Variants in PNPLA6 observed in about 807,000 individuals in gnomAD.
PNPLA6 encodes patatin-like phospholipase domain-containing protein 6.
A neutral mutation model predicts 153.7 loss-of-function variants in PNPLA6; 105 were observed. The ratio of observed to expected loss-of-function variants is 0.68; its 90% CI spans 0.58 to 0.80. The LOEUF (loss-of-function observed/expected upper bound fraction) is 0.80, where lower values mean the gene tolerates loss of function less well. PNPLA6 is among the 30% of genes least tolerant of loss of function. The probability of loss-of-function intolerance (pLI) is 0.00; values close to 1 mark genes in which losing one functional copy is unlikely to be tolerated. For synonymous variants in PNPLA6, 825 were observed against 822.2 expected (o/e 1.00, Z -0.06); for missense variants, 1,423 against 1,919.3 (o/e 0.74, Z 4.83).
At chr19:7,556,175 G>A (rs570639881) in intron 24 of PNPLA6, among the ~76,000 whole-genome samples, 4 of 142,910 alleles carry the variant, frequency 2.8e-5, no homozygotes, top group South Asian at 4.7e-4. Context: ...TGATTTATCC[G>A]CCTCAGCCTC....
intron 3 of PNPLA6, among the ~76,000 whole-genome samples, chr19:7,538,709 G>A (rs947615993): frequency 2.0e-5 from 3 of 152,196 alleles, no homozygotes; most frequent in African/African-American, 7.2e-5. Flanking sequence ...CAGAGGGGCT[G>A]TCTCAAGGTT....
chr19:7,541,305 T>C lies in PNPLA6; in HGVS notation c.925-49T>C, dbSNP rs769488817. ...ACTAGCCCGGCCCACCATCTGGCCC[T>C]GCCCCTTACCCCGCCCCATCTTATG... On this transcript the variant is annotated intron_variant, in intron 7 of 31. Transcript: ENST00000600737. This position sits in a 1 kb window ranked among gnomAD's most constrained non-coding sequence, Gnocchi z 5.2. 1 of 1,520,504 alleles carries C rather than the reference T, an allele frequency of 6.6e-7. No homozygotes were observed. The highest frequency in any genetic ancestry group is 9.1e-7 in the Non-Finnish European group (1 of 1,099,604). The allele number at this position is 1,520,504 out of a possible 1,614,324, so 94.2% of individuals were successfully genotyped here. A position where few individuals can be genotyped will look rare whatever the true frequency, so the allele number is the denominator to read the frequency against.
rs373118087 is a variant in PNPLA6, at chr19:7,555,021, C to A, written c.2763C>A (p.His921Gln). The change falls in exon 22 of 32, where the codon CAC (histidine) becomes CAA (glutamine). Residue 921 changes from histidine (H) to glutamine (Q), a missense_variant. Physicochemically the swap from His to Gln is conservative, Grantham distance 24 (BLOSUM62 0). Transcript: ENST00000600737. This position sits in a 1 kb window ranked among gnomAD's most constrained non-coding sequence, Gnocchi z 6.3. ...WLNMRSWCSG[H>Q]LHLRCPRRLF... Reference sequence around the variant, plus strand: ...ATATGCGCAGCTGGTGCTCGGGGCACCTGCACCTGCGCTGTCCGCGCCGCC... The same window carrying A: ...ATATGCGCAGCTGGTGCTCGGGGCAACTGCACCTGCGCTGTCCGCGCCGCC... 8 of 1,593,618 alleles carry A rather than the reference C, an allele frequency of 5.0e-6. No homozygotes were observed. Among genetic ancestry groups the A allele is most frequent in the Non-Finnish European group, 6.8e-6 (8 of 1,178,276 alleles).
At chr19:7,553,315 G>A (rs1024149208) in intron 18 of PNPLA6, among the ~76,000 whole-genome samples, 3 of 152,140 alleles carry the variant, frequency 2.0e-5, no homozygotes, top group Non-Finnish European at 4.4e-5. Flanking sequence ...GCAGTGGCAC[G>A]ATCTCGGCTC....
chr19:7,552,625 G>A (rs1330526375), intron 18 of PNPLA6, among the ~76,000 whole-genome samples: 1 of 151,730 alleles, frequency 6.6e-6, no homozygotes, highest in Admixed American at 6.6e-5. Context: ...TGTGGTGGTG[G>A]GTGCCTGTAA....
chr19:7,539,450 G>T (rs1238508073), intron 3 of PNPLA6, among the ~76,000 whole-genome samples: 2 of 151,358 alleles, frequency 1.3e-5, no homozygotes, highest in Non-Finnish European at 2.9e-5. Flanking sequence ...CTGCACTCCA[G>T]CCTGGGTAAA....
chr19:7,542,779 C>T lies in PNPLA6; in HGVS notation c.1381C>T (p.Arg461Cys). The part of the protein sequence containing the change: ...APARTPTQEP[R>C]EQPAGACEYS... ...CACTCAGACCCCCACTCAGGAGCCT[C>T]GTGAGCAGCCGGCAGGCGCCTGTGA... The change falls in exon 12 of 32, where the codon CGT becomes TGT. Residue 461 changes from arginine to cysteine, a missense_variant. By Grantham distance (180) the Arg-to-Cys change is radical. Transcript: ENST00000600737. The T allele has an allele frequency of 6.2e-7, 1 of 1,613,032 alleles. No individual in the cohort carries two copies. The highest frequency in any genetic ancestry group is 1.1e-5 in the South Asian group (1 of 91,076).
intron 3 of PNPLA6, 28 bp from the exon 4 acceptor site, chr19:7,539,881 GCCCCCCTCA>G: frequency 7.1e-7 from 1 of 1,404,722 alleles, no homozygotes; most frequent in Non-Finnish European, 9.7e-7. Context: ...CCTTCTCCGT[GCCCCCCTCA>G]CCCCCGGCAC....
Position 7,555,533 on chromosome 19 carries a change from G to GT in PNPLA6, c.2937-73dup, listed in dbSNP as rs1388908575. ...CCTTTGTTCCTTAGCAGTGCGGGAGGTGGGAGGAGGTAGGGGCAGGGGAGT... is the reference window on the plus strand; with the variant it reads ...CCTTTGTTCCTTAGCAGTGCGGGAGGTTGGGAGGAGGTAGGGGCAGGGGAGT... On this transcript the variant is annotated intron_variant, in intron 23 of 31. Transcript: ENST00000600737. The surrounding 1 kb of genome is among the most constrained non-coding windows in gnomAD (Gnocchi z 6.3). 7.8e-6 allele frequency: 12 copies of GT among 1,537,634 alleles called. 1 individual carries two copies. The East Asian group carries it at 2.7e-4, about 35-fold the overall frequency.
intron 13 of PNPLA6, among the ~76,000 whole-genome samples, chr19:7,547,671 A>C (rs904347524): frequency 6.6e-6 from 1 of 151,826 alleles, no homozygotes; most frequent in Non-Finnish European, 1.5e-5. Context: ...GGGGTCTTGC[A>C]CTGTAGCCTA....
At chr19:7,549,819 TTTAA>T in intron 13 of PNPLA6, 84 bp from the exon 14 acceptor site, 2 of 1,319,582 alleles carry the variant, frequency 1.5e-6, no homozygotes, top group Admixed American at 3.6e-5. Flanking sequence ...TCCTTTCTTC[TTTAA>T]TTTTTTCCTG....
At position 7,540,859 on chromosome 19, in the gene PNPLA6, G is replaced by A; in HGVS notation, c.796-64G>A. Reference sequence around the variant, plus strand: ...CGGGACTGGCGCCAGGAAGGATTAGGGGAGTAGCGAGGGGGACTCGCAGCC... The same window carrying A: ...CGGGACTGGCGCCAGGAAGGATTAGAGGAGTAGCGAGGGGGACTCGCAGCC... On this transcript the variant is annotated intron_variant, in intron 6 of 31. Coordinates refer to ENST00000600737, the MANE Select transcript of PNPLA6 (RefSeq NM_001166114.2). This position sits in a 1 kb window ranked among gnomAD's most constrained non-coding sequence, Gnocchi z 6.8. 1 of 1,608,558 alleles carries A rather than the reference G, an allele frequency of 6.2e-7. No individual in the cohort carries two copies. The highest frequency in any genetic ancestry group is 8.5e-7 in the Non-Finnish European group (1 of 1,176,052).
At position 7,556,928 on chromosome 19, in the gene PNPLA6, T is replaced by G. The variant is rs1187523133; in HGVS notation, c.3280+204T>G. 8.8e-6 allele frequency: 6 copies of G among 685,122 alleles called. No homozygotes were observed. The African/African-American group carries it at 1.1e-4, about 12-fold the overall frequency. 42.4% of individuals were successfully genotyped at this position (685,122 alleles called of 1,614,324 possible). A position where few individuals can be genotyped will look rare whatever the true frequency, so the allele number is the denominator to read the frequency against. ...CCTTGGGGGAGGGGAGCAGGGAGACTCGTCGGACGCCTTACCCCCCTCACG... is the reference window on the plus strand; with the variant it reads ...CCTTGGGGGAGGGGAGCAGGGAGACGCGTCGGACGCCTTACCCCCCTCACG... On this transcript the variant is annotated intron_variant, in intron 26 of 31. Transcript: ENST00000600737.
intron 27 of PNPLA6, 67 bp downstream of exon 27, chr19:7,557,351 G>A: frequency 2.0e-6 from 2 of 993,090 alleles, no homozygotes; most frequent in Non-Finnish European, 3.2e-6. Flanking sequence ...CACACGCGTG[G>A]GCACACACAG....
chr19:7,561,611 G>A lies in PNPLA6; in HGVS notation c.*49G>A. ...TCCCTCCCACCCCTGGACTGGGCTGGGGGTGGCCCCGTGGGGGTAGCTCAC... is the reference window on the plus strand; with the variant it reads ...TCCCTCCCACCCCTGGACTGGGCTGAGGGTGGCCCCGTGGGGGTAGCTCAC... On this transcript the variant is annotated 3_prime_UTR_variant, in exon 32 of 32. Coordinates refer to ENST00000600737, the MANE Select transcript of PNPLA6 (RefSeq NM_001166114.2). The A allele has an allele frequency of 1.4e-6, 2 of 1,385,654 alleles. No individual in the cohort carries two copies. The highest frequency in any genetic ancestry group is 2.0e-6 in the Non-Finnish European group (2 of 1,005,432). The allele number at this position is 1,385,654 out of a possible 1,614,324, so 85.8% of individuals were successfully genotyped here. A position where few individuals can be genotyped will look rare whatever the true frequency, so the allele number is the denominator to read the frequency against.
At position 7,541,516 on chromosome 19, in the gene PNPLA6, C is replaced by T. The variant is rs1322174335; in HGVS notation, c.1006-6C>T. ...GGACAGGCCACAAGCTGTTCTCTGCCCCCAGGAGATCCAGCCCCTGCGTCT... is the reference window on the plus strand; with the variant it reads ...GGACAGGCCACAAGCTGTTCTCTGCTCCCAGGAGATCCAGCCCCTGCGTCT... On this transcript the variant is annotated splice_region_variant and splice_polypyrimidine_tract_variant and intron_variant, in intron 8 of 31. Transcript: ENST00000600737. The surrounding 1 kb of genome is among the most constrained non-coding windows in gnomAD (Gnocchi z 5.2). The T allele has an allele frequency of 6.2e-7, 1 of 1,610,544 alleles. No individual in the cohort carries two copies. The highest frequency in any genetic ancestry group is 1.7e-5 in the Admixed American group (1 of 59,598).
In PNPLA6 at chr19:7,551,230, A is replaced by G. The variant is rs115029724; in HGVS notation, c.2184+123A>G. 11 of 554,660 alleles carry G rather than the reference A, an allele frequency of 2.0e-5. No homozygotes were observed. The Admixed American group carries it at 2.8e-4, about 14-fold the overall frequency. 34.4% of individuals were successfully genotyped at this position (554,660 alleles called of 1,614,324 possible). A position where few individuals can be genotyped will look rare whatever the true frequency, so the allele number is the denominator to read the frequency against. ...GTCGAGGGAGGGGCCGAAGCGAGAG[A>G]GTGAGGGCGGGGGCTCTCGGGGGTG... On this transcript the variant is annotated intron_variant, in intron 17 of 31. Transcript: ENST00000600737.
chr19:7,551,160 TG>T (rs930690253), intron 17 of PNPLA6, 53 bp downstream of exon 17: 13 of 169,124 alleles, frequency 7.7e-5, no homozygotes, highest in Non-Finnish European at 1.3e-4. Flanking sequence ...TCCGGGGGGG[TG>T]GGGGCCGGGC....
At chr19:7,539,780 AGGT>A (rs1224283809) in intron 3 of PNPLA6, 135 bp from the exon 4 acceptor site, 6 of 546,152 alleles carry the variant, frequency 1.1e-5, no homozygotes, top group Admixed American at 3.2e-5. Context: ...AAAAAAAAAA[AGGT>A]GGCCAGCCTG....
Sources: allele counts gnomAD v4.1 joint callset (sites outside exome capture counted in the v4.1 genomes callset), GRCh38; gene constraint gnomAD v4.1.1; non-coding constraint Gnocchi (gnomAD v3.1); transcripts MANE v1.5; gene names NCBI Gene and HGNC (gene_info 2026-07-23, HGNC 2026-07-21).